PLCB1: variants seen among roughly 807,000 people sequenced by gnomAD.
The protein encoded by PLCB1 is phospholipase C beta 1, also known as 1-phosphatidylinositol 4,5-bisphosphate phosphodiesterase beta-1.
Under a neutral mutation model 161.8 loss-of-function variants are expected in PLCB1, and 46 were observed. That is an observed-to-expected ratio of 0.28 (90% CI 0.22 to 0.36). The LOEUF is 0.36. Ranked by LOEUF, PLCB1 falls within the 10% of genes least tolerant of loss-of-function variation. The pLI is 1.00. For missense variants in PLCB1, 1,016 were observed against 1,472.5 expected, an observed-to-expected ratio of 0.69 and a Z score of 5.07; for synonymous variants, 517 against 503.7, an observed-to-expected ratio of 1.03 and a Z score of -0.35.
intron 3 of PLCB1, among the ~76,000 whole-genome samples, chr20:8,470,476 G>A (rs1347550257): frequency 6.6e-6 from 1 of 152,142 alleles, no homozygotes; most frequent in Admixed American, 6.6e-5. Context: ...GTATCTTGTT[G>A]TGGTTTTGAT....
Position 8,132,571 on chromosome 20 carries a change from C to A in PLCB1, c.-81C>A. On this transcript the variant is annotated 5_prime_UTR_variant, in exon 1 of 32. Transcript: ENST00000338037. This position sits in a 1 kb window ranked among gnomAD's most constrained non-coding sequence, Gnocchi z 5.2. ...CCTCCGGAGCAGAGAAAGGAGCCCG[C>A]GCCCCGCGCCCCGCGCCCCGCGCAC... is the stretch of plus-strand genomic sequence containing the variant. 1.2e-6 allele frequency: 1 copy of A among 837,996 alleles called. No individual in the cohort carries two copies. The highest frequency in any genetic ancestry group is 1.7e-6 in the Non-Finnish European group (1 of 580,902). The allele number at this position is 837,996 out of a possible 1,614,324, so 51.9% of individuals were successfully genotyped here.
intron 3 of PLCB1, among the ~76,000 whole-genome samples, chr20:8,623,568 C>T (rs1203101810): frequency 6.6e-6 from 1 of 152,098 alleles, no homozygotes; most frequent in African/African-American, 2.4e-5. Flanking sequence ...TCTACCAGCT[C>T]GTTTTTTTCC....
chr20:8,774,409 C>T (rs929919037), intron 26 of PLCB1, 130 bp from the exon 27 acceptor site: 1 of 840,600 alleles, frequency 1.2e-6, no homozygotes, highest in Non-Finnish European at 1.8e-6. Context: ...TCACCCTCTA[C>T]CCCAAGTGGC....
chr20:8,840,765 C>T (rs887334644), intron 31 of PLCB1, among the ~76,000 whole-genome samples: 9 of 152,158 alleles, frequency 5.9e-5, no homozygotes, highest in Non-Finnish European at 1.2e-4. Flanking sequence ...ATCTGAGCTA[C>T]ATATTGTACT....
chr20:8,307,018 A>G (rs1260196241), intron 2 of PLCB1, among the ~76,000 whole-genome samples: 1 of 152,356 alleles, frequency 6.6e-6, no homozygotes, highest in East Asian at 1.9e-4. Context: ...CAGGAACACA[A>G]TGGAAGCAGA....
chr20:8,535,202 CAAAAAAA>C lies in PLCB1; in HGVS notation c.247-93074_247-93068del, dbSNP rs11323420. 8.1e-3 allele frequency among the ~76,000 whole-genome samples: 430 copies of C among 52,818 alleles called. 1 individual carries two copies. Among genetic ancestry groups the C allele is most frequent in the Middle Eastern group, 0.024 (1 of 42 alleles). The allele number at this position is 52,818 out of a possible 152,430, so 34.7% of individuals were successfully genotyped here. A position where few individuals can be genotyped will look rare whatever the true frequency, so the allele number is the denominator to read the frequency against. ...TTTTTCAGAAAATAGAGTTTATGGG[CAAAAAAA>C]AAAAAAAAAAAAAAAAAGGAAAGAA... On this transcript the variant is annotated intron_variant, in intron 3 of 31. Transcript: ENST00000338037.
At chr20:8,369,897 T>C (rs2122337247) in intron 2 of PLCB1, among the ~76,000 whole-genome samples, 1 of 152,258 alleles carries the variant, frequency 6.6e-6, no homozygotes, top group Admixed American at 6.5e-5. Flanking sequence ...AATTTGGCCT[T>C]TACTACAAGG....
intron 2 of PLCB1, among the ~76,000 whole-genome samples, chr20:8,292,028 T>C (rs1393836922): frequency 1.3e-5 from 2 of 152,066 alleles, no homozygotes; most frequent in Non-Finnish European, 2.9e-5. Context: ...CAGCACATAG[T>C]GGAGAAAATG....
At chr20:8,614,433 A>G (rs1029022578) in intron 3 of PLCB1, among the ~76,000 whole-genome samples, 1 of 152,120 alleles carries the variant, frequency 6.6e-6, no homozygotes, top group Non-Finnish European at 1.5e-5. Flanking sequence ...AAATATGTTA[A>G]ATAAATTATG....
intron 2 of PLCB1, among the ~76,000 whole-genome samples, chr20:8,223,778 A>T (rs1282267028): frequency 6.6e-6 from 1 of 152,158 alleles, no homozygotes; most frequent in Non-Finnish European, 1.5e-5. Context: ...TAATAGTTTT[A>T]AAAATGAATT....
At chr20:8,776,684 T>C (rs1982960411) in intron 27 of PLCB1, among the ~76,000 whole-genome samples, 1 of 152,204 alleles carries the variant, frequency 6.6e-6, no homozygotes, top group Non-Finnish European at 1.5e-5. Context: ...CATTCATTCC[T>C]TGAAACAAAT....
chr20:8,867,027 A>T (rs1987452049), intron 31 of PLCB1, among the ~76,000 whole-genome samples: 1 of 152,202 alleles, frequency 6.6e-6, no homozygotes. Context: ...AAGAAAAAGA[A>T]AAACCAAAAC....
intron 2 of PLCB1, among the ~76,000 whole-genome samples, chr20:8,198,160 T>A (rs1037792189): frequency 2.0e-5 from 3 of 152,146 alleles, no homozygotes; most frequent in Non-Finnish European, 2.9e-5. Flanking sequence ...TTTCGTTCCA[T>A]ATGAACTTTA....
chr20:8,672,520 G>A (rs968733596), intron 9 of PLCB1, among the ~76,000 whole-genome samples: 3 of 151,752 alleles, frequency 2.0e-5, no homozygotes, highest in African/African-American at 7.3e-5. Context: ...GACTAGCTCA[G>A]GAGCAGTTCC....
At chr20:8,481,179 T>C (rs4813863) in intron 3 of PLCB1, among the ~76,000 whole-genome samples, 35,479 of 151,190 alleles carry the variant, frequency 0.23, 5,000 homozygotes, top group African/African-American at 0.39. Context: ...TAAATTGTAG[T>C]ATATTCACTT....
Position 8,740,026 on chromosome 20 carries a change from A to T in PLCB1, c.2309-318A>T, listed in dbSNP as rs181988982. On this transcript the variant is annotated intron_variant, in intron 21 of 31. Coordinates refer to ENST00000338037, the MANE Select transcript of PLCB1 (RefSeq NM_015192.4). ...CAAAAAATAATAATAACAATTTTTT[A>T]AAAAAAGAAGTCATGTCAAGTATAA... is the stretch of plus-strand genomic sequence containing the variant. Among the ~76,000 whole-genome samples the T allele has an allele frequency of 2.0e-4, 30 of 152,276 alleles. No homozygotes were observed. The East Asian group carries it at 2.9e-3, about 15-fold the overall frequency.
At chr20:8,664,070 G>A (rs550121652) in intron 9 of PLCB1, among the ~76,000 whole-genome samples, 1 of 152,188 alleles carries the variant, frequency 6.6e-6, no homozygotes, top group South Asian at 2.1e-4. Flanking sequence ...CCAAAAGAAA[G>A]CAGTAATTTT....
At chr20:8,154,586 T>C (rs1213219926) in intron 2 of PLCB1, among the ~76,000 whole-genome samples, 1 of 152,208 alleles carries the variant, frequency 6.6e-6, no homozygotes, top group Admixed American at 6.5e-5. Context: ...GGAACTGTTT[T>C]CTTAAGCCCA....
intron 3 of PLCB1, among the ~76,000 whole-genome samples, chr20:8,547,995 A>G (rs1055533552): frequency 2.0e-5 from 3 of 151,614 alleles, no homozygotes; most frequent in African/African-American, 4.8e-5. Context: ...CCACCTTCAT[A>G]TCTCAAGTGC....
Sources: allele counts gnomAD v4.1 joint callset (sites outside exome capture counted in the v4.1 genomes callset), GRCh38; gene constraint gnomAD v4.1.1; non-coding constraint Gnocchi (gnomAD v3.1); transcripts MANE v1.5; gene names NCBI Gene and HGNC (gene_info 2026-07-23, HGNC 2026-07-21).